The following ZNF74 variants were observed in gnomAD, a reference collection of about 807,000 sequenced individuals.
ZNF74 encodes zinc finger protein 74.
A neutral mutation model predicts 17.7 loss-of-function variants in ZNF74; 12 were observed. That is an observed-to-expected ratio of 0.68 (90% CI 0.43 to 1.10). The LOEUF is 1.10. ZNF74 is among the 50% of genes least tolerant of loss of function. The pLI, the probability that ZNF74 is intolerant of heterozygous loss-of-function variation, is 0.00. For missense variants in ZNF74, 811 were observed against 881.0 expected, an observed-to-expected ratio of 0.92 and a Z score of 1.01; for synonymous variants, 358 against 362.1, an observed-to-expected ratio of 0.99 and a Z score of 0.13.
chr22:20,401,262 T>C lies in ZNF74; in HGVS notation c.248-15T>C. 1 of 1,595,202 alleles carries C rather than the reference T, an allele frequency of 6.3e-7. No homozygotes were observed. Among genetic ancestry groups the C allele is most frequent in the East Asian group, 2.3e-5 (1 of 44,330 alleles). On this transcript the variant is annotated splice_polypyrimidine_tract_variant and intron_variant, in intron 3 of 4. Transcript: ENST00000400451. The surrounding 1 kb of genome is among the most constrained non-coding windows in gnomAD (Gnocchi z 4.2). ...GAGCTGCAGCATGCCCAGCCCACTT[T>C]CTCTCCACGAGCAGGACCTCCACTG...
intron 3 of ZNF74, chr22:20,400,967 C>T (rs1172498152): frequency 1.3e-5 from 8 of 621,804 alleles, no homozygotes; most frequent in Non-Finnish European, 2.0e-5. Context: ...AGCATCCTTG[C>T]TTGGTGTTTC....
intron 3 of ZNF74, 38 bp downstream of exon 3, chr22:20,400,796 C>T (rs1262906034): frequency 1.9e-6 from 3 of 1,608,238 alleles, no homozygotes; most frequent in African/African-American, 2.7e-5. Flanking sequence ...CGTCGGCTGT[C>T]AGCCTTCTTC....
intron 1 of ZNF74, 89 bp downstream of exon 1, chr22:20,394,751 C>T: frequency 7.8e-7 from 1 of 1,274,864 alleles, no homozygotes; most frequent in South Asian, 1.3e-5. Flanking sequence ...TTCCCAGAAG[C>T]ATCCAGCATC....
chr22:20,400,581 G>A, intron 2 of ZNF74, 51 bp from the exon 3 acceptor site: 1 of 1,613,066 alleles, frequency 6.2e-7, no homozygotes, highest in Non-Finnish European at 8.5e-7. Flanking sequence ...GGCTCCTTTG[G>A]AACCATGGAC....
In ZNF74 at chr22:20,400,365, G is replaced by A. The variant is rs4546089; in HGVS notation, c.121-267G>A. The A allele has an allele frequency of 1.1e-5, 5 of 449,312 alleles. No homozygotes were observed. In the East Asian group the frequency reaches 1.8e-4, roughly 16 times the overall value. The allele number at this position is 449,312 out of a possible 1,614,324, so 27.8% of individuals were successfully genotyped here. A position where few individuals can be genotyped will look rare whatever the true frequency, so the allele number is the denominator to read the frequency against. On this transcript the variant is annotated intron_variant, in intron 2 of 4. Transcript: ENST00000400451. The stretch of plus-strand genomic sequence containing the variant: ...CCATGTACAGCCCCTGGGTCCCACC[G>A]CAAGTTGCCAGGGCCCTGTGGTGTC...
rs778355276 is a variant in ZNF74, at chr22:20,406,088, G to A, written c.1055G>A (p.Arg352Gln). ...AGCTCGCTGCTCAGCATGCACCTGC[G>A]GGTGCACACCGGCGAGAAGCCCTAC... is the stretch of plus-strand genomic sequence containing the variant. ...SCSSLLSMHLRVHTGEKPYRC... is the reference protein window; with the variant it reads ...SCSSLLSMHLQVHTGEKPYRC... The change falls in exon 5 of 5, where the codon CGG (arginine) becomes CAG (glutamine). Residue 352 changes from arginine to glutamine, a missense_variant. Arg to Gln is a conservative substitution (Grantham distance 43, BLOSUM62 1). Around this residue, in one of 3 missense-constraint regions of ZNF74, gnomAD observed 666 missense variants for 702.3 expected, o/e 0.95. Transcript: ENST00000400451. 14 of 1,613,234 alleles carry A rather than the reference G, an allele frequency of 8.7e-6. No individual in the cohort carries two copies. Among genetic ancestry groups the A allele is most frequent in the African/African-American group, 2.7e-5 (2 of 74,914 alleles).
intron 4 of ZNF74, among the ~76,000 whole-genome samples, chr22:20,403,846 G>A (rs2108745): frequency 0.032 from 4,665 of 147,660 alleles, 503 homozygotes; most frequent in East Asian, 0.31. Context: ...TTTCTTCCCC[G>A]GCTGCCCTCT....
Position 20,407,071 on chromosome 22 carries a change from T to TG in ZNF74, c.*106dup. 6.9e-7 allele frequency: 1 copy of TG among 1,455,510 alleles called. No homozygotes were observed. The allele number at this position is 1,455,510 out of a possible 1,614,324, so 90.2% of individuals were successfully genotyped here. A position where few individuals can be genotyped will look rare whatever the true frequency, so the allele number is the denominator to read the frequency against. ...GATCCAGACCACCTTCCTCCAGGTGTGGGAGCCTTGCCTTATCACCCCCAT... is the reference window on the plus strand; with the variant it reads ...GATCCAGACCACCTTCCTCCAGGTGTGGGGAGCCTTGCCTTATCACCCCCAT... On this transcript the variant is annotated 3_prime_UTR_variant, in exon 5 of 5. Coordinates refer to ENST00000400451, the MANE Select transcript of ZNF74 (RefSeq NM_003426.4).
chr22:20,403,601 C>T (rs1307862951), intron 4 of ZNF74, among the ~76,000 whole-genome samples: 1 of 152,058 alleles, frequency 6.6e-6, no homozygotes, highest in African/African-American at 2.4e-5. Flanking sequence ...CCACCAAAGC[C>T]ACCTTCAAGA....
intron 4 of ZNF74, among the ~76,000 whole-genome samples, chr22:20,404,522 C>G (rs2052391239): frequency 1.3e-5 from 2 of 152,098 alleles, no homozygotes; most frequent in Non-Finnish European, 2.9e-5. Flanking sequence ...AGGGGTCTCA[C>G]TGTGTTACCC....
At chr22:20,402,441 G>A (rs993879881) in intron 4 of ZNF74, among the ~76,000 whole-genome samples, 2 of 152,102 alleles carry the variant, frequency 1.3e-5, no homozygotes, top group Non-Finnish European at 2.9e-5. Flanking sequence ...CAGAGATGAC[G>A]GTTCTCTAAT....
In ZNF74 at chr22:20,405,702, C is replaced by A. The variant is rs199631192; in HGVS notation, c.669C>A (p.Ala223=). Residue 223 remains alanine, a synonymous_variant, in exon 5 of 5, where the codon GCC becomes GCA. Coordinates refer to ENST00000400451, the MANE Select transcript of ZNF74 (RefSeq NM_003426.4). The part of the protein sequence containing the change: ...APARLCAGEN[A]STPSEPEKFP... Reference sequence around the variant, plus strand: ...CGAGACTGTGTGCAGGGGAAAACGCCTCCACGCCAAGTGAGCCAGAAAAGT... The same window carrying A: ...CGAGACTGTGTGCAGGGGAAAACGCATCCACGCCAAGTGAGCCAGAAAAGT... 34 of 1,605,594 alleles carry A rather than the reference C, an allele frequency of 2.1e-5. No individual in the cohort carries two copies. Among genetic ancestry groups the A allele is most frequent in the Non-Finnish European group, 2.8e-5 (33 of 1,176,298 alleles).
In ZNF74 at chr22:20,397,376, G is replaced by A. The variant is rs5752197; in HGVS notation, c.120+1958G>A. Among the ~76,000 whole-genome samples, 4,749 of 152,152 alleles carry A rather than the reference G, an allele frequency of 0.031. 516 individuals carry two copies. The East Asian group carries it at 0.31, about 10-fold the overall frequency. ...TCATCTGAAATCCAGTGTTTTGGGG[G>A]GTAAGGTTTTATTGAGGTGTAATTT... On this transcript the variant is annotated intron_variant, in intron 2 of 4. Transcript: ENST00000400451.
rs2052417821 is a variant in ZNF74, at chr22:20,405,984, G to A, written c.951G>A (p.Ser317=). 8 of 1,611,834 alleles carry A rather than the reference G, an allele frequency of 5.0e-6. No individual in the cohort carries two copies. Among genetic ancestry groups the A allele is most frequent in the Non-Finnish European group, 6.8e-6 (8 of 1,179,394 alleles). Residue 317 remains serine, a synonymous_variant, in exon 5 of 5, where the codon TCG becomes TCA. Coordinates refer to ENST00000400451, the MANE Select transcript of ZNF74 (RefSeq NM_003426.4). Reference sequence around the variant, plus strand: ...GCGGGAAGGCCTTCAGCTGCCACTCGTCCCTCAACGTGCACCAGCGCATCC... The same window carrying A: ...GCGGGAAGGCCTTCAGCTGCCACTCATCCCTCAACGTGCACCAGCGCATCC... ...GECGKAFSCH[S]SLNVHQRIHT...
chr22:20,406,281 C>G lies in ZNF74; in HGVS notation c.1248C>G (p.Phe416Leu). 3 of 1,612,002 alleles carry G rather than the reference C, an allele frequency of 1.9e-6. No individual in the cohort carries two copies. Among genetic ancestry groups the G allele is most frequent in the Non-Finnish European group, 2.5e-6 (3 of 1,179,860 alleles). ...AGATCCACAGCGGGGACAAGCCGTT[C>G]AAGTGCAGCGACTGCGAGAAGGCCT... ...HEKIHSGDKPFKCSDCEKAFN... is the reference protein window; with the variant it reads ...HEKIHSGDKPLKCSDCEKAFN... Residue 416 changes from phenylalanine to leucine, a missense_variant, in exon 5 of 5, where the codon TTC becomes TTG. Physicochemically the swap from Phe to Leu is conservative, Grantham distance 22 (BLOSUM62 0). Transcript: ENST00000400451.
At chr22:20,400,154 A>G (rs1176354660) in intron 2 of ZNF74, 1 of 167,636 alleles carries the variant, frequency 6.0e-6, no homozygotes, top group Non-Finnish European at 1.3e-5. Context: ...TGATATATAC[A>G]AGGTTTCCTT....
chr22:20,401,610 T>A lies in ZNF74; in HGVS notation c.343+238T>A, dbSNP rs1399327667. 6.6e-6 allele frequency among the ~76,000 whole-genome samples: 1 copy of A among 152,050 alleles called. No individual in the cohort carries two copies. Among genetic ancestry groups the A allele is most frequent in the Non-Finnish European group, 1.5e-5 (1 of 68,016 alleles). ...CCACTGGGACCAAATGGTCACCTGC[T>A]GATGGGGATGGGGAGGCAGGAATAG... On this transcript the variant is annotated intron_variant, in intron 4 of 4. Transcript: ENST00000400451. This position sits in a 1 kb window ranked among gnomAD's most constrained non-coding sequence, Gnocchi z 4.2.
rs1020562212 is a variant in ZNF74, at chr22:20,394,419, A to G, written c.-210A>G. ...GCTGAGCCTGGTGTGGGGAGTGGGTATCTGCGGAGCCGGCCTGAACCCCAC... is the reference window on the plus strand; with the variant it reads ...GCTGAGCCTGGTGTGGGGAGTGGGTGTCTGCGGAGCCGGCCTGAACCCCAC... On this transcript the variant is annotated 5_prime_UTR_variant, in exon 1 of 5. Transcript: ENST00000400451. 2 of 636,240 alleles carry G rather than the reference A, an allele frequency of 3.1e-6. No individual in the cohort carries two copies. Among genetic ancestry groups the G allele is most frequent in the Non-Finnish European group, 5.7e-6 (2 of 350,014 alleles). 39.4% of individuals were successfully genotyped at this position (636,240 alleles called of 1,614,324 possible). A position where few individuals can be genotyped will look rare whatever the true frequency, so the allele number is the denominator to read the frequency against.
At chr22:20,395,773 G>A (rs962227276) in intron 2 of ZNF74, among the ~76,000 whole-genome samples, 3 of 152,182 alleles carry the variant, frequency 2.0e-5, no homozygotes, top group African/African-American at 7.2e-5. Context: ...CCAGGGGTTG[G>A]TGCAGGATGT....
Sources: allele counts gnomAD v4.1 joint callset (sites outside exome capture counted in the v4.1 genomes callset), GRCh38; gene constraint gnomAD v4.1.1; regional missense constraint gnomAD v4.1.1; non-coding constraint Gnocchi (gnomAD v3.1); transcripts MANE v1.5; gene names NCBI Gene and HGNC (gene_info 2026-07-23, HGNC 2026-07-21).